Variants in IREB2 observed in about 807,000 individuals in gnomAD.
IREB2 encodes the protein iron responsive element binding protein 2.
IREB2 carries 39 observed loss-of-function variants against 118.8 expected under a neutral mutation model. That is an observed-to-expected ratio of 0.33 (90% confidence interval 0.25 to 0.43). The LOEUF (loss-of-function observed/expected upper bound fraction) is 0.43, where lower values mean the gene tolerates loss of function less well. IREB2 is among the 20% of genes least tolerant of loss of function. The probability of loss-of-function intolerance (pLI) is 1.00; values close to 1 mark genes in which losing one functional copy is unlikely to be tolerated. For synonymous variants in IREB2, 372 were observed against 392.2 expected (o/e 0.95, Z 0.61); for missense variants, 900 against 1,147.3 (o/e 0.78, Z 3.11).
intron 8 of IREB2, chr15:78,474,393 T>G (rs1235219654): frequency 6.6e-6 from 1 of 152,192 alleles, no homozygotes; most frequent in African/African-American, 2.4e-5. Context: ...AATTATTGAT[T>G]CAACGTATGA....
At chr15:78,487,507 G>T (rs2051679298) in intron 13 of IREB2, among the ~76,000 whole-genome samples, 1 of 152,188 alleles carries the variant, frequency 6.6e-6, no homozygotes, top group Non-Finnish European at 1.5e-5. Context: ...GATTGCTTGA[G>T]CCCAGGAGGT....
At chr15:78,479,434 C>T (rs1469224984) in intron 10 of IREB2, among the ~76,000 whole-genome samples, 3 of 142,066 alleles carry the variant, frequency 2.1e-5, no homozygotes, top group Non-Finnish European at 3.0e-5. Flanking sequence ...GAGGATTTTG[C>T]CGTGTTGCTT....
chr15:78,476,390 A>G, intron 9 of IREB2, 31 bp downstream of exon 9: 4 of 1,422,796 alleles, frequency 2.8e-6, no homozygotes, highest in East Asian at 2.3e-5. Context: ...TAGAATAAAC[A>G]TGTTACATTT....
chr15:78,481,024 T>A (rs564302405), intron 10 of IREB2, among the ~76,000 whole-genome samples: 86 of 150,304 alleles, frequency 5.7e-4, no homozygotes, highest in African/African-American at 1.7e-3. Context: ...AAAAAAAAAA[T>A]TTCCCAGCAG....
intron 10 of IREB2, among the ~76,000 whole-genome samples, chr15:78,481,971 G>A (rs2051581469): frequency 6.6e-6 from 1 of 152,170 alleles, no homozygotes; most frequent in African/African-American, 2.4e-5. Context: ...GCCAGGTGTG[G>A]TTATTCTTGC....
At chr15:78,476,837 C>G (rs904143312) in intron 9 of IREB2, 7 of 152,218 alleles carry the variant, frequency 4.6e-5, no homozygotes, top group African/African-American at 1.7e-4. Context: ...ACCTGATTAA[C>G]TAGAAATTTT....
chr15:78,486,672 G>T (rs1458823447), intron 13 of IREB2, among the ~76,000 whole-genome samples: 1 of 152,134 alleles, frequency 6.6e-6, no homozygotes, highest in East Asian at 1.9e-4. Context: ...TAGTTGTGTG[G>T]GGATTTTTTG....
chr15:78,448,905 C>T (rs2050976443), intron 2 of IREB2, among the ~76,000 whole-genome samples: 1 of 152,212 alleles, frequency 6.6e-6, no homozygotes, highest in Non-Finnish European at 1.5e-5. Context: ...AGCCTGCTTA[C>T]TAGAGTACTA....
chr15:78,462,421 A>G (rs529579705), intron 2 of IREB2, among the ~76,000 whole-genome samples: 78 of 152,328 alleles, frequency 5.1e-4, no homozygotes, highest in South Asian at 4.6e-3. Flanking sequence ...GAGTGAATCA[A>G]AGTTTTCGTG....
chr15:78,496,035 C>G (rs1356153739), intron 20 of IREB2, among the ~76,000 whole-genome samples: 2 of 152,172 alleles, frequency 1.3e-5, no homozygotes, highest in African/African-American at 4.8e-5. Context: ...AACCTGTGTC[C>G]ACGAGTATTC....
At position 78,466,110 on chromosome 15, in the gene IREB2, T is replaced by TAA. The variant is rs200967518; in HGVS notation, c.411-160_411-159dup. The stretch of plus-strand genomic sequence containing the variant: ...ACCTGTTTCTTTTTTTATATATATA[T>TAA]AATCTGAGATTTGCCTTTGAAACCT... On this transcript the variant is annotated intron_variant, in intron 4 of 21. Coordinates refer to ENST00000258886, the MANE Select transcript of IREB2 (RefSeq NM_004136.4). Among the ~76,000 whole-genome samples, 10 of 152,340 alleles carry TAA rather than the reference T, an allele frequency of 6.6e-5. No homozygotes were observed. In the East Asian group the frequency reaches 1.9e-3, roughly 29 times the overall value.
In IREB2 at chr15:78,476,964, A is replaced by G. The variant is rs545693295; in HGVS notation, c.1195+605A>G. ...AAGATCTCTTTTTTTAATCTCTTTA[A>G]TGAGGTAATCATTGCTGAGTTACTC... On this transcript the variant is annotated intron_variant, in intron 9 of 21. Transcript: ENST00000258886. 1.4e-4 allele frequency among the ~76,000 whole-genome samples: 22 copies of G among 152,294 alleles called. 1 individual carries two copies. Among genetic ancestry groups the G allele is most frequent in the African/African-American group, 4.8e-4 (20 of 41,564 alleles).
rs139478201 is a variant in IREB2 at position 78,494,820 on chromosome 15, G to A, written c.2595+556G>A. On this transcript the variant is annotated intron_variant, in intron 20 of 21. Transcript: ENST00000258886. ...ACTCCTGGGCTCAAGTGATCCTCCC[G>A]CTGTGGCCTCCCAGGGTGCTGGGAT... Among the ~76,000 whole-genome samples the A allele has an allele frequency of 2.8e-3, 423 of 152,286 alleles. 3 individuals are homozygous for A. Among genetic ancestry groups the A allele is most frequent in the African/African-American group, 8.3e-3 (347 of 41,558 alleles).
At chr15:78,449,434 C>G (rs527978649) in intron 2 of IREB2, among the ~76,000 whole-genome samples, 22 of 152,248 alleles carry the variant, frequency 1.4e-4, no homozygotes, top group African/African-American at 5.1e-4. Context: ...GCAACGTAAA[C>G]AAGTGAAATG....
Position 78,497,245 on chromosome 15 carries a change from C to T in IREB2, c.2715C>T (p.Ser905=), listed in dbSNP as rs202218090. The change falls in exon 21 of 22, where the codon TCC becomes TCT. Residue 905 remains serine, a synonymous_variant. Coordinates refer to ENST00000258886, the MANE Select transcript of IREB2 (RefSeq NM_004136.4). ...PGENADSLGL[S]GRETFSLTFP... is the part of the protein sequence containing the mutation. ...AAAATGCAGATTCCTTGGGCCTCTCCGGTAGAGAAACATTTTCTTTAACAT... is the reference window on the plus strand; with the variant it reads ...AAAATGCAGATTCCTTGGGCCTCTCTGGTAGAGAAACATTTTCTTTAACAT... 1.5e-5 allele frequency: 25 copies of T among 1,613,638 alleles called. No individual in the cohort carries two copies. The highest frequency in any genetic ancestry group is 4.4e-5 in the South Asian group (4 of 91,072).
intron 2 of IREB2, among the ~76,000 whole-genome samples, chr15:78,459,629 C>T (rs2051164891): frequency 6.6e-6 from 1 of 152,090 alleles, no homozygotes; most frequent in African/African-American, 2.4e-5. Flanking sequence ...CGATTACAGG[C>T]GGTGAGCCAC....
chr15:78,465,377 C>T lies in IREB2; in HGVS notation c.399C>T (p.Asp133=). 1 of 1,611,020 alleles carries T rather than the reference C, an allele frequency of 6.2e-7. No individual in the cohort carries two copies. Among genetic ancestry groups the T allele is most frequent in the Non-Finnish European group, 8.5e-7 (1 of 1,179,038 alleles). ...CAGTTGACCATTCTTTACAAATTGA[C>T]TTCAGTAAATGGTACTTCAATGCAG... ...DLTVDHSLQI[D]FSKCAIQNAP... is the part of the protein sequence containing the mutation. The change falls in exon 4 of 22, where the codon GAC becomes GAT. Residue 133 remains aspartate, a synonymous_variant. Transcript: ENST00000258886.
intron 14 of IREB2, 131 bp from the exon 15 acceptor site, chr15:78,488,049 A>G: frequency 1.2e-6 from 1 of 804,102 alleles, no homozygotes; most frequent in Non-Finnish European, 1.9e-6. Flanking sequence ...ATAGTTCTAT[A>G]TTTAAAAATT....
intron 1 of IREB2, 23 bp downstream of exon 1, chr15:78,438,379 G>C (rs779854722): frequency 1.3e-6 from 2 of 1,594,012 alleles, no homozygotes; most frequent in Non-Finnish European, 1.7e-6. Context: ...CCTCCGAGCT[G>C]GGTCTGGCAG....
Sources: gnomAD v4.1 joint callset for allele counts (sites outside exome capture counted in the v4.1 genomes callset) on GRCh38, gnomAD v4.1.1 for gene constraint, MANE v1.5 for transcripts, NCBI Gene and HGNC (gene_info 2026-07-23, HGNC 2026-07-21) for gene names.